C8orf34: variants seen among roughly 807,000 people sequenced by gnomAD.
The protein encoded by C8orf34 is chromosome 8 open reading frame 34, also known as uncharacterized protein C8orf34.
A neutral mutation model predicts 68.3 loss-of-function variants in C8orf34; 65 were observed. The observed-to-expected ratio is 0.95, with a 90% confidence interval of 0.78 to 1.17. The LOEUF is 1.17. Among genes scored for constraint, C8orf34 ranks in the 50% most tolerant of loss-of-function variants. C8orf34 has a pLI of 0.00. For missense variants in C8orf34, 664 were observed against 655.4 expected (o/e 1.01, Z -0.14); for synonymous variants, 244 against 241.2 (o/e 1.01, Z -0.11).
chr8:68,655,554 G>A (rs903039324), intron 8 of C8orf34, among the ~76,000 whole-genome samples: 1 of 152,078 alleles, frequency 6.6e-6, no homozygotes, highest in African/African-American at 2.4e-5. Context: ...GAGATTTATG[G>A]TACAATGATG....
At chr8:68,661,850 A>G (rs1020047186) in intron 8 of C8orf34, among the ~76,000 whole-genome samples, 3 of 152,004 alleles carry the variant, frequency 2.0e-5, no homozygotes, top group Admixed American at 6.6e-5. Context: ...ATTCCTTTCA[A>G]TGTGAAGGGC....
At chr8:68,599,925 C>G (rs532246252) in intron 7 of C8orf34, among the ~76,000 whole-genome samples, 2 of 151,892 alleles carry the variant, frequency 1.3e-5, no homozygotes, top group African/African-American at 2.4e-5. Context: ...AAAAGAATTT[C>G]TAGAAAACTT....
chr8:68,478,224 A>C (rs1812706797), intron 4 of C8orf34, among the ~76,000 whole-genome samples: 1 of 152,044 alleles, frequency 6.6e-6, no homozygotes, highest in South Asian at 2.1e-4. Context: ...AATCTCTCTC[A>C]AGTTCAAAGA....
intron 3 of C8orf34, among the ~76,000 whole-genome samples, chr8:68,465,937 AACTT>A (rs921525218): frequency 2.6e-4 from 39 of 150,684 alleles, no homozygotes; most frequent in Admixed American, 1.6e-3. Flanking sequence ...TGTACCCTAA[AACTT>A]AAAGTATAAT....
chr8:68,671,434 T>C (rs752901924), intron 8 of C8orf34, among the ~76,000 whole-genome samples: 1 of 152,200 alleles, frequency 6.6e-6, no homozygotes, highest in African/African-American at 2.4e-5. Context: ...AATACTTTAA[T>C]GGCATGTTAG....
Position 68,439,598 on chromosome 8 carries a change from A to G in C8orf34, c.427A>G (p.Arg143Gly), listed in dbSNP as rs1262176454. 1 of 1,613,606 alleles carries G rather than the reference A, an allele frequency of 6.2e-7. No homozygotes were observed. The highest frequency in any genetic ancestry group is 1.3e-5 in the African/African-American group (1 of 74,912). Reference protein sequence around the residue: ...SKQGNRGQLQRTLSGSAALWA... With the variant: ...SKQGNRGQLQGTLSGSAALWA... Reference sequence around the variant, plus strand: ...ACAAGGGAACCGTGGACAACTTCAAAGAACTTTGTCTGGATCTGCAGCTCT... The same window carrying G: ...ACAAGGGAACCGTGGACAACTTCAAGGAACTTTGTCTGGATCTGCAGCTCT... Residue 143 changes from arginine to glycine, a missense_variant, in exon 2 of 14, where the codon AGA becomes GGA. Coordinates refer to ENST00000518698, the MANE Select transcript of C8orf34 (RefSeq NM_052958.4).
chr8:68,569,774 A>T (rs1353837793), intron 7 of C8orf34, among the ~76,000 whole-genome samples: 1 of 152,210 alleles, frequency 6.6e-6, no homozygotes, highest in Non-Finnish European at 1.5e-5. Context: ...ACTGTCATTA[A>T]AGTTTAAACA....
chr8:68,818,756 A>T lies in C8orf34; in HGVS notation c.*510A>T, dbSNP rs1563687292. On this transcript the variant is annotated 3_prime_UTR_variant, in exon 14 of 14. Transcript: ENST00000518698. ...ATACATGTTGTGTGCAGCAGTGAGA[A>T]GTATATTCTCTACCACTGCTCTTTC... 1 of 152,314 alleles carries T rather than the reference A, an allele frequency of 6.6e-6. No homozygotes were observed. The highest frequency in any genetic ancestry group is 6.5e-5 in the Admixed American group (1 of 15,268). 9.4% of individuals were successfully genotyped at this position (152,314 alleles called of 1,614,324 possible).
At chr8:68,587,735 A>G (rs553330864) in intron 7 of C8orf34, among the ~76,000 whole-genome samples, 2 of 152,254 alleles carry the variant, frequency 1.3e-5, no homozygotes, top group South Asian at 2.1e-4. Context: ...TAACAACAAC[A>G]TTCAACTGCT....
At chr8:68,405,341 C>G (rs990301662) in intron 1 of C8orf34, among the ~76,000 whole-genome samples, 38 of 152,268 alleles carry the variant, frequency 2.5e-4, no homozygotes, top group African/African-American at 8.9e-4. Context: ...ATTCTCAGAT[C>G]ACTGGACTCA....
chr8:68,334,340 T>C (rs1805755948), intron 1 of C8orf34, among the ~76,000 whole-genome samples: 1 of 151,992 alleles, frequency 6.6e-6, no homozygotes, highest in Non-Finnish European at 1.5e-5. Flanking sequence ...GATTAGATAA[T>C]ATGAAGGTGT....
At chr8:68,788,116 A>G (rs1430132774) in intron 12 of C8orf34, among the ~76,000 whole-genome samples, 4 of 152,204 alleles carry the variant, frequency 2.6e-5, no homozygotes, top group Non-Finnish European at 1.5e-5. Context: ...TGTAAGACAT[A>G]TGGGCCCAGA....
rs928198498 is a variant in C8orf34 at position 68,790,254 on chromosome 8, A to G, written c.1549+2718A>G. ...GATCATCTGCCTCTGTCTCAGGAAA[A>G]GGAAATAAATGACATAAATCTTTGT... On this transcript the variant is annotated intron_variant, in intron 12 of 13. Coordinates refer to ENST00000518698, the MANE Select transcript of C8orf34 (RefSeq NM_052958.4). 2.6e-5 allele frequency among the ~76,000 whole-genome samples: 4 copies of G among 152,224 alleles called. No homozygotes were observed. In the East Asian group the frequency reaches 7.7e-4, roughly 29 times the overall value.
At chr8:68,674,198 G>C (rs61271322) in intron 8 of C8orf34, among the ~76,000 whole-genome samples, 1 of 151,834 alleles carries the variant, frequency 6.6e-6, no homozygotes, top group Non-Finnish European at 1.5e-5. Context: ...AGCCCAGACC[G>C]TAAAGATTAC....
intron 10 of C8orf34, among the ~76,000 whole-genome samples, chr8:68,726,860 T>G (rs1362303332): frequency 6.6e-6 from 1 of 151,774 alleles, no homozygotes; most frequent in African/African-American, 2.4e-5. Context: ...CTCCCCCGGG[T>G]CCCTCCCACA....
At chr8:68,343,611 T>A (rs1178039879) in intron 1 of C8orf34, among the ~76,000 whole-genome samples, 2 of 150,482 alleles carry the variant, frequency 1.3e-5, no homozygotes, top group African/African-American at 2.4e-5. Context: ...TTTTTTTTTT[T>A]AAGACAGAGT....
chr8:68,729,452 A>C (rs1428878961), intron 10 of C8orf34, among the ~76,000 whole-genome samples: 3 of 152,124 alleles, frequency 2.0e-5, no homozygotes, highest in Non-Finnish European at 4.4e-5. Flanking sequence ...AATGCCTTTT[A>C]TTTCTTTCCT....
At chr8:68,375,146 T>C (rs950420053) in intron 1 of C8orf34, among the ~76,000 whole-genome samples, 2 of 152,202 alleles carry the variant, frequency 1.3e-5, no homozygotes, top group African/African-American at 4.8e-5. Flanking sequence ...ATGCCCTATA[T>C]AAGAGGCATC....
At chr8:68,664,753 C>T (rs1819787668) in intron 8 of C8orf34, among the ~76,000 whole-genome samples, 1 of 152,252 alleles carries the variant, frequency 6.6e-6, no homozygotes. Context: ...AGGGAAGCCA[C>T]AGCACAGCAA....
Sources: gnomAD v4.1 joint callset for allele counts (sites outside exome capture counted in the v4.1 genomes callset) on GRCh38, gnomAD v4.1.1 for gene constraint, MANE v1.5 for transcripts, NCBI Gene and HGNC (gene_info 2026-07-23, HGNC 2026-07-21) for gene names.